STS: variants seen among roughly 807,000 people sequenced by gnomAD.
STS encodes steryl-sulfatase.
Under a neutral mutation model 26.8 loss-of-function variants are expected in STS, and 7 were observed. The observed-to-expected ratio is 0.26, with a 90% CI of 0.15 to 0.49. The LOEUF (loss-of-function observed/expected upper bound fraction) is 0.49. Ranked by LOEUF, STS falls within the 20% of genes least tolerant of loss-of-function variation. STS has a pLI of 0.98. For missense variants in STS, 434 were observed against 465.6 expected, an observed-to-expected ratio of 0.93 and a Z score of 0.63; for synonymous variants, 199 against 189.4, an observed-to-expected ratio of 1.05 and a Z score of -0.42.
chrX:7,244,718 T>A (rs752913688), intron 2 of STS, among the ~76,000 whole-genome samples: 73 of 110,905 alleles, frequency 6.6e-4, no homozygotes, highest in Non-Finnish European at 1.3e-3. Flanking sequence ...CCAGGGATGG[T>A]GCTAAGCATC....
chrX:7,221,722 CTTCT>C (rs1367947899), intron 2 of STS, among the ~76,000 whole-genome samples: 1 of 112,018 alleles, frequency 8.9e-6, no homozygotes, highest in African/African-American at 3.2e-5. Flanking sequence ...TAATTAATAT[CTTCT>C]TTGTTTATTT....
intron 8 of STS, among the ~76,000 whole-genome samples, chrX:7,323,013 C>T (rs1004284321): frequency 9.0e-6 from 1 of 111,675 alleles, no homozygotes; most frequent in Non-Finnish European, 1.9e-5. Context: ...AAAATAATAC[C>T]AACGAAGATA....
chrX:7,286,026 A>C (rs1294961898), intron 7 of STS, among the ~76,000 whole-genome samples: 2 of 112,232 alleles, frequency 1.8e-5, no homozygotes, highest in African/African-American at 6.5e-5. Flanking sequence ...ACAATGATTA[A>C]AACTCAAGTG....
At chrX:7,294,754 G>C (rs1284205326) in intron 7 of STS, among the ~76,000 whole-genome samples, 1 of 111,749 alleles carries the variant, frequency 8.9e-6, no homozygotes, top group Non-Finnish European at 1.9e-5. Context: ...AGAGCTTCTT[G>C]GCTGCATGAG....
intron 1 of STS, among the ~76,000 whole-genome samples, chrX:7,179,305 G>A (rs1181305880): frequency 4.5e-5 from 5 of 110,135 alleles, no homozygotes; most frequent in Non-Finnish European, 9.5e-5. Context: ...TCATGAAGTG[G>A]TAACCATCTT....
At chrX:7,186,769 C>T (rs1045973250) in intron 1 of STS, among the ~76,000 whole-genome samples, 6 of 111,967 alleles carry the variant, frequency 5.4e-5, no homozygotes, top group Admixed American at 9.5e-5. Context: ...TAAATATTTC[C>T]GGGAATAAAC....
chrX:7,263,893 T>A (rs1923876544), intron 6 of STS, among the ~76,000 whole-genome samples: 1 of 111,705 alleles, frequency 9.0e-6, no homozygotes, highest in Non-Finnish European at 1.9e-5. Flanking sequence ...TTGAAATTGA[T>A]TTCCAAGGGA....
intron 9 of STS, among the ~76,000 whole-genome samples, chrX:7,327,285 G>A (rs1364074150): frequency 9.0e-6 from 1 of 110,984 alleles, no homozygotes; most frequent in Non-Finnish European, 1.9e-5. Context: ...GTCCCAGAGA[G>A]TCTCTGGATC....
At chrX:7,188,665 G>A (rs1340281724) in intron 1 of STS, among the ~76,000 whole-genome samples, 1 of 111,949 alleles carries the variant, frequency 8.9e-6, no homozygotes, top group Non-Finnish European at 1.9e-5. Flanking sequence ...ATTTCTCACT[G>A]GGGGGTTGGT....
intron 2 of STS, among the ~76,000 whole-genome samples, chrX:7,228,767 T>C (rs765236561): frequency 1.1e-4 from 12 of 112,474 alleles, no homozygotes; most frequent in Non-Finnish European, 2.1e-4. Flanking sequence ...GCCTGAAGCC[T>C]ATTCACATTC....
intron 2 of STS, among the ~76,000 whole-genome samples, chrX:7,237,538 T>G (rs1448869206): frequency 8.9e-6 from 1 of 112,448 alleles, no homozygotes; most frequent in Non-Finnish European, 1.9e-5. Flanking sequence ...AGAATAATAC[T>G]GTAAGAATAA....
chrX:7,169,513 GA>G (rs1378875125), intron 1 of STS, among the ~76,000 whole-genome samples: 1 of 112,118 alleles, frequency 8.9e-6, no homozygotes, highest in Non-Finnish European at 1.9e-5. Flanking sequence ...ACAAATACCT[GA>G]GTTCCTATTT....
chrX:7,221,008 A>G (rs1439860194), intron 2 of STS, among the ~76,000 whole-genome samples: 1 of 111,665 alleles, frequency 9.0e-6, no homozygotes, highest in African/African-American at 3.3e-5. Context: ...CCTTGTCCCA[A>G]AAGCATCTTC....
chrX:7,259,283 A>G, intron 5 of STS, 66 bp from the exon 6 acceptor site: 2 of 1,068,438 alleles, frequency 1.9e-6, no homozygotes, highest in Non-Finnish European at 2.6e-6. Flanking sequence ...GCATGTAGGA[A>G]CAGAAGCTTG....
At chrX:7,279,420 T>C in intron 7 of STS, among the ~76,000 whole-genome samples, 1 of 14,165 alleles carries the variant, frequency 7.1e-5, no homozygotes, top group African/African-American at 3.8e-4. Flanking sequence ...TGTCTGTGTG[T>C]GTGTGTGTGT....
intron 5 of STS, among the ~76,000 whole-genome samples, chrX:7,258,739 G>A (rs1923570491): frequency 9.0e-6 from 1 of 111,098 alleles, no homozygotes; most frequent in Non-Finnish European, 1.9e-5. Context: ...ATTTTCAGAG[G>A]TGCTTAAAAT....
intron 8 of STS, among the ~76,000 whole-genome samples, chrX:7,320,059 A>ATATTTATATATATATTTATATG (rs1569224505): frequency 6.5e-5 from 6 of 92,809 alleles, no homozygotes; most frequent in African/African-American, 2.4e-4. Flanking sequence ...ATATTTATAT[A>ATATTTATATATATATTTATATG]TATATTTTAT....
intron 2 of STS, among the ~76,000 whole-genome samples, chrX:7,216,991 C>G (rs1265348865): frequency 1.8e-5 from 2 of 111,153 alleles, no homozygotes; most frequent in African/African-American, 3.3e-5. Flanking sequence ...TGGGGACTTG[C>G]AGTGGGGGAG....
chrX:7,179,056 T>G (rs770419834), intron 1 of STS, among the ~76,000 whole-genome samples: 173 of 111,364 alleles, frequency 1.6e-3, no homozygotes, highest in African/African-American at 5.5e-3. Context: ...CTAGTCCTCA[T>G]GAAAGTAGTA....
Sources: allele counts gnomAD v4.1 joint callset (sites outside exome capture counted in the v4.1 genomes callset), GRCh38; gene constraint gnomAD v4.1.1; transcripts MANE v1.5; gene names NCBI Gene and HGNC (gene_info 2026-07-23, HGNC 2026-07-21).